Variants in GRM5 observed in about 807,000 individuals in gnomAD.
The protein encoded by GRM5 is metabotropic glutamate receptor 5.
GRM5 carries 19 observed loss-of-function variants against 83.1 expected under a neutral mutation model. The observed-to-expected ratio is 0.23, with a 90% CI of 0.16 to 0.34. The LOEUF (loss-of-function observed/expected upper bound fraction) is 0.34. Ranked by LOEUF, GRM5 falls within the 10% of genes least tolerant of loss-of-function variation. The pLI is 1.00. For synonymous variants in GRM5, 675 were observed against 633.6 expected, an observed-to-expected ratio of 1.07 and a Z score of -0.98; for missense variants, 1,160 against 1,588.3, an observed-to-expected ratio of 0.73 and a Z score of 4.58.
chr11:88,536,587 C>A (rs1217834169), intron 8 of GRM5, among the ~76,000 whole-genome samples: 1 of 152,154 alleles, frequency 6.6e-6, no homozygotes, highest in African/African-American at 2.4e-5. Flanking sequence ...CAGCTTTGAG[C>A]ACATTCAATT....
intron 2 of GRM5, among the ~76,000 whole-genome samples, chr11:88,854,058 G>GTGTATATATATATATA (rs1555027663): frequency 1.6e-5 from 2 of 121,220 alleles, no homozygotes; most frequent in Admixed American, 8.5e-5. Context: ...AAAATGTGGT[G>GTGTATATATATATATA]TATATATATA....
intron 2 of GRM5, among the ~76,000 whole-genome samples, chr11:89,010,344 T>G (rs1162473687): frequency 6.6e-6 from 1 of 152,178 alleles, no homozygotes; most frequent in Non-Finnish European, 1.5e-5. Context: ...ACAGAAACTG[T>G]GTAACTTGGT....
chr11:88,606,158 GA>G (rs1387282943), intron 4 of GRM5, among the ~76,000 whole-genome samples: 16 of 152,326 alleles, frequency 1.1e-4, no homozygotes, highest in African/African-American at 2.9e-4. Context: ...CCAGCACAGA[GA>G]GTAGGAGGTA....
intron 4 of GRM5, among the ~76,000 whole-genome samples, chr11:88,643,635 A>G (rs1591405155): frequency 6.6e-6 from 1 of 152,302 alleles, no homozygotes; most frequent in East Asian, 1.9e-4. Context: ...AATGTGGTGC[A>G]AGGATGAGGA....
chr11:88,671,457 T>C (rs996521467), intron 3 of GRM5, among the ~76,000 whole-genome samples: 5 of 152,130 alleles, frequency 3.3e-5, no homozygotes, highest in Non-Finnish European at 7.4e-5. Flanking sequence ...GTTTGTTTCC[T>C]CTTTTTTCAA....
chr11:89,005,756 ATGT>A (rs376800081), intron 2 of GRM5, among the ~76,000 whole-genome samples: 326 of 152,326 alleles, frequency 2.1e-3, no homozygotes, highest in African/African-American at 6.6e-3. Flanking sequence ...TTGGCCAGAA[ATGT>A]TGTACGAAGG....
At chr11:88,699,570 C>T (rs1940980361) in intron 3 of GRM5, among the ~76,000 whole-genome samples, 1 of 152,176 alleles carries the variant, frequency 6.6e-6, no homozygotes, top group African/African-American at 2.4e-5. Flanking sequence ...CTAGGCACTC[C>T]CATTCCATGG....
Position 88,967,246 on chromosome 11 carries a change from C to T in GRM5, c.661+79966G>A, listed in dbSNP as rs867995746. The stretch of plus-strand genomic sequence containing the variant: ...GTGTGTGTATGTATATATATATATA[C>T]ACATATATATATATATATATATATA... On this transcript the variant is annotated intron_variant, in intron 2 of 9. Coordinates refer to ENST00000305447, the MANE Select transcript of GRM5 (RefSeq NM_001143831.3). Among the ~76,000 whole-genome samples the T allele has an allele frequency of 2.0e-4, 21 of 104,614 alleles. No homozygotes were observed. The South Asian group carries it at 4.0e-3, about 20-fold the overall frequency. 68.6% of individuals were successfully genotyped at this position (104,614 alleles called of 152,430 possible).
intron 3 of GRM5, among the ~76,000 whole-genome samples, chr11:88,672,111 T>C (rs925629040): frequency 6.6e-6 from 1 of 152,034 alleles, no homozygotes; most frequent in Non-Finnish European, 1.5e-5. Flanking sequence ...AAGACTGTCT[T>C]GGAGTCCTTG....
At chr11:88,655,104 G>A (rs1939733629) in intron 3 of GRM5, among the ~76,000 whole-genome samples, 1 of 152,066 alleles carries the variant, frequency 6.6e-6, no homozygotes, top group African/African-American at 2.4e-5. Context: ...ATTACCTATA[G>A]TGAAATTTCA....
intron 2 of GRM5, among the ~76,000 whole-genome samples, chr11:88,905,178 G>A (rs1464355074): frequency 6.6e-6 from 1 of 152,142 alleles, no homozygotes. Flanking sequence ...AGAGAAGATC[G>A]TGAGGTAGGG....
At chr11:88,859,194 A>G (rs1944523611) in intron 2 of GRM5, among the ~76,000 whole-genome samples, 1 of 152,138 alleles carries the variant, frequency 6.6e-6, no homozygotes, top group South Asian at 2.1e-4. Context: ...ATGGGAGTAA[A>G]AAAAGTGAAG....
chr11:88,653,625 C>T (rs1239585487), intron 3 of GRM5, among the ~76,000 whole-genome samples: 5 of 151,990 alleles, frequency 3.3e-5, no homozygotes, highest in African/African-American at 7.2e-5. Flanking sequence ...AGGCACTAAC[C>T]TCACTTACCT....
At chr11:88,598,512 G>C (rs1326593367) in intron 5 of GRM5, among the ~76,000 whole-genome samples, 1 of 151,554 alleles carries the variant, frequency 6.6e-6, no homozygotes. Context: ...TTTTCCTGCA[G>C]TCAGTAACAA....
chr11:88,848,888 C>A (rs1944342506), intron 3 of GRM5, among the ~76,000 whole-genome samples: 1 of 152,094 alleles, frequency 6.6e-6, no homozygotes, highest in African/African-American at 2.4e-5. Context: ...AACTGAAGAC[C>A]TGAATAGTAT....
At chr11:88,605,810 G>T (rs1291967824) in intron 4 of GRM5, among the ~76,000 whole-genome samples, 3 of 152,196 alleles carry the variant, frequency 2.0e-5, no homozygotes, top group Non-Finnish European at 4.4e-5. Flanking sequence ...ATTGATGATT[G>T]ATTTGACAAG....
chr11:88,996,824 A>T (rs1940199468), intron 2 of GRM5, among the ~76,000 whole-genome samples: 1 of 152,244 alleles, frequency 6.6e-6, no homozygotes, highest in African/African-American at 2.4e-5. Context: ...GAATCAAAAC[A>T]TAATCAGTAA....
intron 3 of GRM5, among the ~76,000 whole-genome samples, chr11:88,739,160 C>T (rs1190078254): frequency 2.0e-5 from 3 of 151,984 alleles, no homozygotes; most frequent in Non-Finnish European, 4.4e-5. Flanking sequence ...TTTCTGTAAC[C>T]TTCGTAGAGC....
intron 3 of GRM5, among the ~76,000 whole-genome samples, chr11:88,739,420 A>G (rs1467063902): frequency 1.3e-5 from 2 of 152,140 alleles, no homozygotes; most frequent in Non-Finnish European, 2.9e-5. Flanking sequence ...CATATACTCC[A>G]TATACTTATT....
Sources: gnomAD v4.1 joint callset for allele counts (sites outside exome capture counted in the v4.1 genomes callset) on GRCh38, gnomAD v4.1.1 for gene constraint, MANE v1.5 for transcripts, NCBI Gene and HGNC (gene_info 2026-07-23, HGNC 2026-07-21) for gene names.